The following TTBK1 variants were observed in gnomAD, a reference collection of about 807,000 sequenced individuals.
The protein encoded by TTBK1 is tau-tubulin kinase 1.
TTBK1 carries 34 observed loss-of-function variants against 108.5 expected under a neutral mutation model. The observed-to-expected ratio is 0.31, with a 90% CI of 0.24 to 0.42. The LOEUF (loss-of-function observed/expected upper bound fraction) is 0.42. Among genes scored for constraint, TTBK1 ranks in the 10% least tolerant of loss-of-function variants. The probability of loss-of-function intolerance (pLI) is 1.00; values close to 1 mark genes in which losing one functional copy is unlikely to be tolerated. For synonymous variants in TTBK1, 809 were observed against 795.1 expected (o/e 1.02, Z -0.29); for missense variants, 1,539 against 1,826.0 (o/e 0.84, Z 2.86).
At chr6:43,280,570 C>G (rs1000060747) in intron 13 of TTBK1, among the ~76,000 whole-genome samples, 1 of 152,178 alleles carries the variant, frequency 6.6e-6, no homozygotes, top group Non-Finnish European at 1.5e-5. Flanking sequence ...GATTCTTAGA[C>G]TATAACATGG....
At chr6:43,252,638 A>AC in intron 2 of TTBK1, 101 bp from the exon 3 acceptor site, 4 of 1,350,256 alleles carry the variant, frequency 3.0e-6, no homozygotes, top group South Asian at 1.4e-5. Flanking sequence ...AAAAAAAGAT[A>AC]CCCCCCTTCC....
At position 43,269,509 on chromosome 6, in the gene TTBK1, A is replaced by G; in HGVS notation, c.1986+6159A>G. On this transcript the variant is annotated intron_variant, in intron 13 of 14. Transcript: ENST00000259750. This position sits in a 1 kb window ranked among gnomAD's most constrained non-coding sequence, Gnocchi z 4.8. ...GGGCGGGTGGTTTGCACCCTCCTCC[A>G]CCCTGCCTGACCCCGCCCACTTGCC... The G allele has an allele frequency of 9.6e-7, 1 of 1,039,626 alleles. No individual in the cohort carries two copies. Among genetic ancestry groups the G allele is most frequent in the Non-Finnish European group, 1.3e-6 (1 of 748,394 alleles). The allele number at this position is 1,039,626 out of a possible 1,614,324, so 64.4% of individuals were successfully genotyped here.
intron 13 of TTBK1, chr6:43,271,727 C>G: frequency 1.0e-6 from 1 of 985,266 alleles, no homozygotes. Context: ...TCCATAGTCA[C>G]ACACTCCTTT....
chr6:43,254,034 G>A (rs1210911304), intron 5 of TTBK1, among the ~76,000 whole-genome samples: 2 of 152,220 alleles, frequency 1.3e-5, no homozygotes, highest in South Asian at 4.1e-4. Context: ...AGGGATCGAG[G>A]GAAGGGGACT....
Position 43,262,999 on chromosome 6 carries a change from C to G in TTBK1, c.1635C>G (p.Ile545Met). Residue 545 changes from isoleucine to methionine, a missense_variant, in exon 13 of 15, where the codon ATC becomes ATG. Ile to Met is a conservative substitution (Grantham distance 10). This residue lies in a region of TTBK1 where 1,055 missense variants were observed against 1,086.5 expected (regional missense o/e 0.97). Coordinates refer to ENST00000259750, the MANE Select transcript of TTBK1 (RefSeq NM_032538.3). Reference protein sequence around the residue: ...EEDFDSKEWVIIDKETELKDF... With the variant: ...EEDFDSKEWVMIDKETELKDF... Reference sequence around the variant, plus strand: ...ATTTCGACAGCAAAGAGTGGGTCATCATCGACAAGGAGACGGAGCTCAAGG... The same window carrying G: ...ATTTCGACAGCAAAGAGTGGGTCATGATCGACAAGGAGACGGAGCTCAAGG... 1 of 1,611,460 alleles carries G rather than the reference C, an allele frequency of 6.2e-7. No individual in the cohort carries two copies. The highest frequency in any genetic ancestry group is 8.5e-7 in the Non-Finnish European group (1 of 1,178,892).
rs1336385104 is a variant in TTBK1 at position 43,259,533 on chromosome 6, C to A, written c.1251C>A (p.Ser417Arg). ...RNKLRINIGK[S>R]PCVEEEQSRG... is the part of the protein sequence containing the mutation. ...CATGGCACTCCCCTCTCCTGCAGAGCCCCTGTGTGGAGGAGGAACAGAGCC... is the reference window on the plus strand; with the variant it reads ...CATGGCACTCCCCTCTCCTGCAGAGACCCTGTGTGGAGGAGGAACAGAGCC... The change falls in exon 12 of 15, where the codon AGC becomes AGA. Residue 417 changes from serine (S) to arginine (R), a missense_variant and splice_region_variant. Around this residue, in one of 5 missense-constraint regions of TTBK1, gnomAD observed 277 missense variants for 332.4 expected, o/e 0.83. Transcript: ENST00000259750. The surrounding 1 kb of genome is among the most constrained non-coding windows in gnomAD (Gnocchi z 6.7). 1.3e-6 allele frequency: 2 copies of A among 1,575,784 alleles called. No individual in the cohort carries two copies. The highest frequency in any genetic ancestry group is 1.7e-6 in the Non-Finnish European group (2 of 1,162,812).
Position 43,263,425 on chromosome 6 carries a change from T to G in TTBK1, c.1986+75T>G. The G allele has an allele frequency of 2.9e-6, 4 of 1,360,166 alleles. No individual in the cohort carries two copies. The highest frequency in any genetic ancestry group is 3.9e-6 in the Non-Finnish European group (4 of 1,030,524). The allele number at this position is 1,360,166 out of a possible 1,614,324, so 84.3% of individuals were successfully genotyped here. A position where few individuals can be genotyped will look rare whatever the true frequency, so the allele number is the denominator to read the frequency against. On this transcript the variant is annotated intron_variant, in intron 13 of 14. Coordinates refer to ENST00000259750, the MANE Select transcript of TTBK1 (RefSeq NM_032538.3). This position sits in a 1 kb window ranked among gnomAD's most constrained non-coding sequence, Gnocchi z 4.7. ...TGGTGTGTAGGCCTGGGGTGCTCCATGTGTGCTGGCACTACTGACCAGTAA... is the reference window on the plus strand; with the variant it reads ...TGGTGTGTAGGCCTGGGGTGCTCCAGGTGTGCTGGCACTACTGACCAGTAA...
Position 43,285,594 on chromosome 6 carries a change from G to C in TTBK1, c.*218G>C. 2.2e-6 allele frequency: 1 copy of C among 456,422 alleles called. No individual in the cohort carries two copies. The highest frequency in any genetic ancestry group is 3.4e-6 in the Non-Finnish European group (1 of 295,128). The allele number at this position is 456,422 out of a possible 1,614,324, so 28.3% of individuals were successfully genotyped here. On this transcript the variant is annotated 3_prime_UTR_variant, in exon 15 of 15. Transcript: ENST00000259750. The surrounding 1 kb of genome is among the most constrained non-coding windows in gnomAD (Gnocchi z 4.7). The stretch of plus-strand genomic sequence containing the variant: ...GACGCGGCCCCGCGCCGCGGGGAGG[G>C]TCTGCCTCCCCTTCCTCGCCCTGTG...
intron 13 of TTBK1, among the ~76,000 whole-genome samples, chr6:43,267,788 TGACC>T (rs1385289854): frequency 6.6e-6 from 1 of 152,238 alleles, no homozygotes; most frequent in Non-Finnish European, 1.5e-5. Flanking sequence ...CGGTTGTCTC[TGACC>T]GATAGCACAG....
intron 13 of TTBK1, among the ~76,000 whole-genome samples, chr6:43,268,993 C>T (rs1181870180): frequency 6.6e-6 from 1 of 151,364 alleles, no homozygotes; most frequent in African/African-American, 2.5e-5. Context: ...ACCATTATGA[C>T]CCCCATTTTA....
intron 13 of TTBK1, chr6:43,272,337 A>C (rs1188984003): frequency 1.0e-6 from 1 of 985,356 alleles, no homozygotes; most frequent in Non-Finnish European, 1.2e-6. Context: ...AAGATCCCAA[A>C]GTGCCTTGTG....
chr6:43,246,675 GGCC>G lies in TTBK1; in HGVS notation c.19_21del (p.Ala7del). 1 of 1,607,880 alleles carries G rather than the reference GGCC, an allele frequency of 6.2e-7. No individual in the cohort carries two copies. The highest frequency in any genetic ancestry group is 8.5e-7 in the Non-Finnish European group (1 of 1,177,064). On this transcript the variant is annotated inframe_deletion, in exon 2 of 15. Coordinates refer to ENST00000259750, the MANE Select transcript of TTBK1 (RefSeq NM_032538.3). ...CTGGCTGGCGGATGCAGTGCCTAGC[GGCC>G]GCCCTTAAGGACGAAACCAACATGA...
At position 43,255,590 on chromosome 6, in the gene TTBK1, C is replaced by T; in HGVS notation, c.681C>T (p.Tyr227=). The T allele has an allele frequency of 1.2e-6, 2 of 1,613,748 alleles. No homozygotes were observed. The highest frequency in any genetic ancestry group is 1.1e-5 in the South Asian group (1 of 91,012). The change falls in exon 8 of 15, where the codon TAC becomes TAT. Residue 227 remains tyrosine (Y), a synonymous_variant. Coordinates refer to ENST00000259750, the MANE Select transcript of TTBK1 (RefSeq NM_032538.3). Reference sequence around the variant, plus strand: ...ACGACGACCTGTGGTCCCTCTTCTACATGCTGGTGGAGTTTGCAGTGGGCC... The same window carrying T: ...ACGACGACCTGTGGTCCCTCTTCTATATGCTGGTGGAGTTTGCAGTGGGCC... ...GRHDDLWSLF[Y]MLVEFAVGQL...
chr6:43,269,643 T>C lies in TTBK1; in HGVS notation c.1986+6293T>C. On this transcript the variant is annotated intron_variant, in intron 13 of 14. Transcript: ENST00000259750. This position sits in a 1 kb window ranked among gnomAD's most constrained non-coding sequence, Gnocchi z 4.8. ...CCTCCACTTTCTTGGTCTCTTTCAG[T>C]TGGAGGAGGACAGACTCTCGGGGCA... 6.2e-7 allele frequency: 1 copy of C among 1,608,638 alleles called. No individual in the cohort carries two copies. The highest frequency in any genetic ancestry group is 2.2e-5 in the East Asian group (1 of 44,648).
In TTBK1 at chr6:43,269,728, C is replaced by T. The variant is rs756041730; in HGVS notation, c.1986+6378C>T. On this transcript the variant is annotated intron_variant, in intron 13 of 14. Coordinates refer to ENST00000259750, the MANE Select transcript of TTBK1 (RefSeq NM_032538.3). The surrounding 1 kb of genome is among the most constrained non-coding windows in gnomAD (Gnocchi z 4.8). Reference sequence around the variant, plus strand: ...GCGTCCTCCGTGTTCTCCTCCTCCACGCTGGAGACGGAGCATTACCCTCAC... The same window carrying T: ...GCGTCCTCCGTGTTCTCCTCCTCCATGCTGGAGACGGAGCATTACCCTCAC... 6.2e-6 allele frequency: 10 copies of T among 1,609,552 alleles called. No individual in the cohort carries two copies. Among genetic ancestry groups the T allele is most frequent in the Non-Finnish European group, 8.5e-6 (10 of 1,179,544 alleles).
At chr6:43,247,069 G>A (rs1317316366) in intron 2 of TTBK1, among the ~76,000 whole-genome samples, 1 of 152,104 alleles carries the variant, frequency 6.6e-6, no homozygotes, top group East Asian at 1.9e-4. Context: ...AGGCCAGTGT[G>A]GCGGAGGAGG....
chr6:43,255,877 C>G, intron 9 of TTBK1, 21 bp downstream of exon 9: 1 of 1,613,952 alleles, frequency 6.2e-7, no homozygotes, highest in South Asian at 1.1e-5. Flanking sequence ...GCTACCCTGC[C>G]CCCGCTCCCT....
chr6:43,251,188 C>T (rs976275557), intron 2 of TTBK1, among the ~76,000 whole-genome samples: 3 of 152,218 alleles, frequency 2.0e-5, no homozygotes, highest in East Asian at 3.8e-4. Context: ...CCTCCAGCTC[C>T]GCCTGGTCTT....
chr6:43,275,504 A>T (rs1167320023), intron 13 of TTBK1, among the ~76,000 whole-genome samples: 2 of 151,756 alleles, frequency 1.3e-5, no homozygotes, highest in Non-Finnish European at 2.9e-5. Flanking sequence ...GGATGGGGAC[A>T]GGCGGAGGCG....
Sources: gnomAD v4.1 joint callset for allele counts (sites outside exome capture counted in the v4.1 genomes callset) on GRCh38, gnomAD v4.1.1 for gene constraint, gnomAD v4.1.1 regional missense constraint, Gnocchi (gnomAD v3.1) non-coding constraint, MANE v1.5 for transcripts, NCBI Gene and HGNC (gene_info 2026-07-23, HGNC 2026-07-21) for gene names.